Variants in CDH18 observed in about 807,000 individuals in gnomAD.
The protein encoded by CDH18 is cadherin-18.
CDH18 carries 31 observed loss-of-function variants against 67.9 expected under a neutral mutation model. The ratio of observed to expected loss-of-function variants is 0.46; its 90% CI spans 0.34 to 0.62. CDH18 has a LOEUF of 0.62. CDH18 is among the 20% of genes least tolerant of loss of function. The pLI is 0.01. For synonymous variants in CDH18, 362 were observed against 347.2 expected (o/e 1.04, Z -0.48); for missense variants, 890 against 975.5 (o/e 0.91, Z 1.17).
At chr5:19,622,281 G>C (rs914270455) in intron 5 of CDH18, among the ~76,000 whole-genome samples, 2 of 152,120 alleles carry the variant, frequency 1.3e-5, no homozygotes, top group African/African-American at 4.8e-5. Context: ...CAACTGCTCA[G>C]GATACAGTCT....
intron 4 of CDH18, among the ~76,000 whole-genome samples, chr5:19,733,093 C>A (rs1363926939): frequency 6.6e-6 from 1 of 152,096 alleles, no homozygotes; most frequent in Non-Finnish European, 1.5e-5. Context: ...GGAAATGACA[C>A]AGGCAGGAGG....
chr5:20,254,873 T>A (rs377425792), intron 2 of CDH18, among the ~76,000 whole-genome samples: 1 of 144,912 alleles, frequency 6.9e-6, no homozygotes, highest in East Asian at 2.0e-4. Context: ...TAGGTGCCCA[T>A]TAATGAAAGA....
chr5:20,266,120 G>C (rs1308579353), intron 1 of CDH18, among the ~76,000 whole-genome samples: 1 of 152,114 alleles, frequency 6.6e-6, no homozygotes, highest in Non-Finnish European at 1.5e-5. Context: ...GGTTTATACC[G>C]GAACAATACC....
chr5:19,917,511 T>G (rs1791961176), intron 2 of CDH18, among the ~76,000 whole-genome samples: 1 of 152,180 alleles, frequency 6.6e-6, no homozygotes, highest in Admixed American at 6.6e-5. Flanking sequence ...AGAGTAAAAC[T>G]GCCTGGTTTT....
At chr5:20,265,957 AT>A (rs1745000294) in intron 1 of CDH18, among the ~76,000 whole-genome samples, 1 of 152,190 alleles carries the variant, frequency 6.6e-6, no homozygotes, top group Non-Finnish European at 1.5e-5. Context: ...GAAGATCTAA[AT>A]AAACCAAAAA....
chr5:20,435,728 G>C (rs1749119414), intron 1 of CDH18, among the ~76,000 whole-genome samples: 1 of 151,904 alleles, frequency 6.6e-6, no homozygotes, highest in Admixed American at 6.6e-5. Flanking sequence ...TCAACACCAG[G>C]AGTGTAAGTC....
At chr5:19,645,806 T>G (rs893464070) in intron 5 of CDH18, among the ~76,000 whole-genome samples, 1 of 152,118 alleles carries the variant, frequency 6.6e-6, no homozygotes, top group Non-Finnish European at 1.5e-5. Context: ...ATCGATGAGG[T>G]GAGAAAGTGA....
chr5:20,069,172 T>C (rs187832319), intron 2 of CDH18, among the ~76,000 whole-genome samples: 1 of 152,120 alleles, frequency 6.6e-6, no homozygotes, highest in Non-Finnish European at 1.5e-5. Flanking sequence ...AATCCTTATA[T>C]TTATATAAAT....
chr5:19,877,286 G>C (rs1445490162), intron 2 of CDH18, among the ~76,000 whole-genome samples: 1 of 152,018 alleles, frequency 6.6e-6, no homozygotes, highest in Admixed American at 6.6e-5. Flanking sequence ...ACATTGTGAA[G>C]GCAATACTGG....
chr5:19,990,934 C>T (rs1361755970), upstream of CDH18, among the ~76,000 whole-genome samples: 3 of 152,172 alleles, frequency 2.0e-5, no homozygotes, highest in African/African-American at 7.2e-5. Flanking sequence ...GAATTTATTA[C>T]AGAACTAATC....
intron 2 of CDH18, among the ~76,000 whole-genome samples, chr5:19,904,779 G>C (rs903775366): frequency 2.6e-5 from 4 of 152,208 alleles, no homozygotes; most frequent in Admixed American, 2.6e-4. Context: ...ATCTAGCTTA[G>C]CACATGTATT....
chr5:20,531,323 C>T (rs1018779399), intron 1 of CDH18, among the ~76,000 whole-genome samples: 4 of 152,058 alleles, frequency 2.6e-5, no homozygotes, highest in Non-Finnish European at 4.4e-5. Flanking sequence ...TTGTAGAAGA[C>T]ATTATGGCAA....
chr5:19,746,218 A>C (rs1338797182), intron 4 of CDH18, among the ~76,000 whole-genome samples: 1 of 152,184 alleles, frequency 6.6e-6, no homozygotes, highest in East Asian at 1.9e-4. Context: ...GTGGTGAAAA[A>C]GCCCCAGATC....
At chr5:19,802,267 G>T (rs1777549632) in intron 3 of CDH18, among the ~76,000 whole-genome samples, 1 of 152,138 alleles carries the variant, frequency 6.6e-6, no homozygotes, top group Non-Finnish European at 1.5e-5. Context: ...AGCATGCAAA[G>T]TAGCTAATGA....
intron 1 of CDH18, among the ~76,000 whole-genome samples, chr5:20,388,684 C>T (rs1744537547): frequency 6.6e-6 from 1 of 152,034 alleles, no homozygotes; most frequent in African/African-American, 2.4e-5. Flanking sequence ...TAGATCTTTC[C>T]TGCTTTCTCT....
At chr5:20,556,017 C>A (rs555991464) in intron 1 of CDH18, among the ~76,000 whole-genome samples, 1 of 152,134 alleles carries the variant, frequency 6.6e-6, no homozygotes, top group South Asian at 2.1e-4. Flanking sequence ...TAGAGAGTCA[C>A]CATATCTCTT....
rs58308147 is a variant in CDH18, at chr5:20,418,242, A to ATTTTTTTTTTTTTTTTTTTT, written c.-580+157200_-580+157219dup. Among the ~76,000 whole-genome samples the ATTTTTTTTTTTTTTTTTTTT allele has an allele frequency of 4.6e-3, 262 of 56,902 alleles. 30 individuals carry two copies. Among genetic ancestry groups the ATTTTTTTTTTTTTTTTTTTT allele is most frequent in the African/African-American group, 9.0e-3 (108 of 12,044 alleles). The allele number at this position is 56,902 out of a possible 152,430, so 37.3% of individuals were successfully genotyped here. A position where few individuals can be genotyped will look rare whatever the true frequency, so the allele number is the denominator to read the frequency against. Reference sequence around the variant, plus strand: ...AGGTGTCTGCCACCACTGCTGGCTAATTTTTTTTTTTTTTTTTTTTTTTTG... The same window carrying ATTTTTTTTTTTTTTTTTTTT: ...AGGTGTCTGCCACCACTGCTGGCTAATTTTTTTTTTTTTTTTTTTTTTTTTTTTTTTTTTTTTTTTTTTTG... On this transcript the variant is annotated intron_variant, in intron 1 of 14. Coordinates refer to the CDH18 transcript ENST00000507958.
intron 11 of CDH18, among the ~76,000 whole-genome samples, chr5:19,495,278 T>G (rs1742100612): frequency 6.6e-6 from 1 of 152,178 alleles, no homozygotes; most frequent in Non-Finnish European, 1.5e-5. Context: ...ATAATTAGAC[T>G]ATCATTGAAC....
intron 2 of CDH18, among the ~76,000 whole-genome samples, chr5:20,156,049 T>C (rs2126590481): frequency 6.6e-6 from 1 of 152,262 alleles, no homozygotes; most frequent in East Asian, 1.9e-4. Flanking sequence ...CTCACCCCTG[T>C]CAGAATGGCT....
Sources: allele counts gnomAD v4.1 joint callset (sites outside exome capture counted in the v4.1 genomes callset), GRCh38; gene constraint gnomAD v4.1.1; transcripts MANE v1.5; gene names NCBI Gene and HGNC (gene_info 2026-07-23, HGNC 2026-07-21).